The following TAFA5 variants were observed in gnomAD, a reference collection of about 807,000 sequenced individuals.
TAFA5 encodes the protein TAFA chemokine like family member 5.
Under a neutral mutation model 15.3 loss-of-function variants are expected in TAFA5, and 6 were observed. The observed-to-expected ratio is 0.39, with a 90% confidence interval of 0.21 to 0.77. TAFA5 has a LOEUF of 0.77. Among genes scored for constraint, TAFA5 ranks in the 30% least tolerant of loss-of-function variants. TAFA5 has a pLI of 0.41. For synonymous variants in TAFA5, 103 were observed against 80.7 expected, an observed-to-expected ratio of 1.28 and a Z score of -1.48; for missense variants, 161 against 193.1, an observed-to-expected ratio of 0.83 and a Z score of 0.98.
intron 1 of TAFA5, among the ~76,000 whole-genome samples, chr22:48,577,214 T>C (rs553969886): frequency 6.6e-5 from 10 of 152,318 alleles, no homozygotes; most frequent in Admixed American, 3.3e-4. Flanking sequence ...AGGATAACGG[T>C]TGGACCCTCG....
chr22:48,744,544 C>T (rs1930272644), intron 3 of TAFA5, among the ~76,000 whole-genome samples: 1 of 152,136 alleles, frequency 6.6e-6, no homozygotes, highest in Non-Finnish European at 1.5e-5. Flanking sequence ...TTCCCTCAGC[C>T]CTGCAGCCTT....
intron 2 of TAFA5, among the ~76,000 whole-genome samples, chr22:48,704,476 G>GGCCATCCCCACTCATGGC: frequency 6.6e-6 from 1 of 152,222 alleles, no homozygotes; most frequent in Non-Finnish European, 1.5e-5. Flanking sequence ...GACAGATTCC[G>GGCCATCCCCACTCATGGC]GCCATCCCCA....
At chr22:48,496,749 G>A (rs1928340163) in intron 1 of TAFA5, among the ~76,000 whole-genome samples, 1 of 152,180 alleles carries the variant, frequency 6.6e-6, no homozygotes, top group Non-Finnish European at 1.5e-5. Flanking sequence ...CAGGCGGGGT[G>A]GTCCAGCCAT....
At chr22:48,695,314 G>T (rs1928676892) in intron 2 of TAFA5, among the ~76,000 whole-genome samples, 1 of 152,184 alleles carries the variant, frequency 6.6e-6, no homozygotes, top group Non-Finnish European at 1.5e-5. Context: ...AGGGAGAGCA[G>T]CCTCCCCAGC....
At chr22:48,616,506 G>C (rs1012545209) in intron 1 of TAFA5, among the ~76,000 whole-genome samples, 2 of 152,166 alleles carry the variant, frequency 1.3e-5, no homozygotes, top group Non-Finnish European at 2.9e-5. Flanking sequence ...CATGCACTCG[G>C]GATGCTCCTG....
chr22:48,701,966 G>T (rs1322850005), intron 2 of TAFA5, among the ~76,000 whole-genome samples: 1 of 152,164 alleles, frequency 6.6e-6, no homozygotes, highest in Non-Finnish European at 1.5e-5. Context: ...GCCTCTGTCT[G>T]GGGAGGCAGC....
intron 3 of TAFA5, among the ~76,000 whole-genome samples, chr22:48,728,216 C>T (rs1373211174): frequency 1.3e-5 from 2 of 152,158 alleles, no homozygotes; most frequent in Admixed American, 6.5e-5. Context: ...AAGAAATGCA[C>T]CAGCCCTCTT....
At chr22:48,506,687 C>G (rs527657047) in intron 1 of TAFA5, among the ~76,000 whole-genome samples, 2 of 152,310 alleles carry the variant, frequency 1.3e-5, no homozygotes, top group Non-Finnish European at 2.9e-5. Context: ...AGAGGGACCT[C>G]AGGGCCTGGG....
intron 1 of TAFA5, among the ~76,000 whole-genome samples, chr22:48,502,246 A>C (rs1920956279): frequency 6.6e-6 from 1 of 152,188 alleles, no homozygotes; most frequent in African/African-American, 2.4e-5. Flanking sequence ...AGCTTTGTTG[A>C]GGCCGATGGT....
At chr22:48,562,339 C>G (rs571378745) in intron 1 of TAFA5, among the ~76,000 whole-genome samples, 1 of 152,158 alleles carries the variant, frequency 6.6e-6, no homozygotes, top group African/African-American at 2.4e-5. Context: ...GGGGTTTCAC[C>G]GCATTAGCCA....
At chr22:48,561,387 G>A (rs1043170377) in intron 1 of TAFA5, among the ~76,000 whole-genome samples, 1 of 152,202 alleles carries the variant, frequency 6.6e-6, no homozygotes, top group Non-Finnish European at 1.5e-5. Flanking sequence ...TGACAAGGCT[G>A]TTCCAGGGTG....
chr22:48,702,280 A>G (rs1478131476), intron 2 of TAFA5, among the ~76,000 whole-genome samples: 2 of 152,092 alleles, frequency 1.3e-5, no homozygotes, highest in African/African-American at 4.8e-5. Flanking sequence ...GGCACCTTAG[A>G]GAAGTGTTTC....
intron 2 of TAFA5, among the ~76,000 whole-genome samples, chr22:48,673,930 C>T (rs936432666): frequency 2.6e-5 from 4 of 152,084 alleles, no homozygotes; most frequent in African/African-American, 9.7e-5. Context: ...GAGGGCTGGC[C>T]CCGGCTCTGG....
intron 1 of TAFA5, among the ~76,000 whole-genome samples, chr22:48,610,961 G>A (rs1294365034): frequency 6.7e-6 from 1 of 149,320 alleles, no homozygotes; most frequent in East Asian, 2.0e-4. Context: ...TTGAGGTGGA[G>A]TCTCGCTTTA....
intron 3 of TAFA5, among the ~76,000 whole-genome samples, chr22:48,730,121 A>T (rs374520526): frequency 3.6e-4 from 55 of 152,334 alleles, no homozygotes; most frequent in African/African-American, 8.2e-4. Flanking sequence ...ACGGTGGCTT[A>T]CGCCTGTAAT....
chr22:48,675,287 G>A (rs1011671700), intron 2 of TAFA5, among the ~76,000 whole-genome samples: 2 of 152,226 alleles, frequency 1.3e-5, no homozygotes, highest in Non-Finnish European at 1.5e-5. Context: ...CATGGGTATT[G>A]CCAAGTGGCA....
At chr22:48,551,004 G>A (rs182817640) in intron 1 of TAFA5, among the ~76,000 whole-genome samples, 45 of 151,978 alleles carry the variant, frequency 3.0e-4, no homozygotes, top group Non-Finnish European at 5.3e-4. Context: ...TCATAAGATG[G>A]GCTGCTGTGG....
intron 2 of TAFA5, among the ~76,000 whole-genome samples, chr22:48,655,171 C>T (rs1270899851): frequency 6.6e-6 from 1 of 152,194 alleles, no homozygotes; most frequent in East Asian, 1.9e-4. Flanking sequence ...CACTCCACAT[C>T]CAGCCCTGCC....
At chr22:48,631,783 G>A (rs892662341) in intron 1 of TAFA5, among the ~76,000 whole-genome samples, 2 of 152,166 alleles carry the variant, frequency 1.3e-5, no homozygotes, top group East Asian at 1.9e-4. Flanking sequence ...TAGACATCGC[G>A]GAATGTAAAG....
Sources: allele counts gnomAD v4.1 joint callset (sites outside exome capture counted in the v4.1 genomes callset), GRCh38; gene constraint gnomAD v4.1.1; transcripts MANE v1.5; gene names NCBI Gene and HGNC (gene_info 2026-07-23, HGNC 2026-07-21).